MYLK4: variants seen among roughly 807,000 people sequenced by gnomAD.
The protein encoded by MYLK4 is caMLCK like.
MYLK4 carries 46 observed loss-of-function variants against 48.1 expected under a neutral mutation model. The observed-to-expected ratio is 0.96, with a 90% CI of 0.75 to 1.22. The LOEUF is 1.22. Ranked by LOEUF, MYLK4 falls within the 50% of genes most tolerant of loss-of-function variation. MYLK4 has a pLI of 0.00. For missense variants in MYLK4, 451 were observed against 486.1 expected, an observed-to-expected ratio of 0.93 and a Z score of 0.68; for synonymous variants, 170 against 180.8, an observed-to-expected ratio of 0.94 and a Z score of 0.48.
intron 8 of MYLK4, among the ~76,000 whole-genome samples, 191 bp downstream of exon 8, chr6:2,680,030 T>C (rs935753895): frequency 6.6e-6 from 1 of 152,262 alleles, no homozygotes; most frequent in Non-Finnish European, 1.5e-5. Context: ...TACTTTTTAC[T>C]GCATGCATTA....
At chr6:2,765,675 T>C in the MYLK4 span, 2 of 1,552,340 alleles carry the variant, frequency 1.3e-6, no homozygotes, top group African/African-American at 1.4e-5. Context: ...CTGCACCAGG[T>C]GCAGTGCCCC....
chr6:2,763,325 GT>G, the MYLK4 span, among the ~76,000 whole-genome samples: 1 of 152,370 alleles, frequency 6.6e-6, no homozygotes, highest in East Asian at 1.9e-4. Context: ...CTAGTCCCAC[GT>G]AATGAGCCTG....
the MYLK4 span, among the ~76,000 whole-genome samples, chr6:2,765,125 G>A: frequency 6.6e-6 from 1 of 151,520 alleles, no homozygotes; most frequent in South Asian, 2.1e-4. Flanking sequence ...AGGCCTGGGC[G>A]GAGGGCTGCG....
At chr6:2,757,962 G>A in the MYLK4 span, among the ~76,000 whole-genome samples, 1 of 152,214 alleles carries the variant, frequency 6.6e-6, no homozygotes, top group Non-Finnish European at 1.5e-5. Flanking sequence ...GTTGACTCAA[G>A]AGCTGCTCAG....
chr6:2,745,031 G>A (rs1324125126), intron 2 of MYLK4, among the ~76,000 whole-genome samples: 3 of 152,188 alleles, frequency 2.0e-5, no homozygotes, highest in East Asian at 3.9e-4. Flanking sequence ...GTAACTAGGG[G>A]TGAACAGGCA....
chr6:2,738,145 T>C (rs12210969), intron 2 of MYLK4, among the ~76,000 whole-genome samples: 68,771 of 151,840 alleles, frequency 0.45, 15,904 homozygotes, highest in East Asian at 0.56. Flanking sequence ...ACATTATAAC[T>C]TCTCATTATT....
intron 3 of MYLK4, 98 bp downstream of exon 3, chr6:2,692,686 C>A: frequency 3.6e-6 from 3 of 835,386 alleles, no homozygotes; most frequent in Non-Finnish European, 3.5e-6. Context: ...TCTTCCTGCA[C>A]AGGGCTTTAT....
chr6:2,726,501 CCA>C (rs1451244603), intron 2 of MYLK4, among the ~76,000 whole-genome samples: 1 of 152,090 alleles, frequency 6.6e-6, no homozygotes, highest in Non-Finnish European at 1.5e-5. Flanking sequence ...AAAACCATGC[CCA>C]GAGTTGTTAG....
At chr6:2,707,449 C>A (rs1444352002) in intron 2 of MYLK4, among the ~76,000 whole-genome samples, 1 of 152,172 alleles carries the variant, frequency 6.6e-6, no homozygotes, top group Non-Finnish European at 1.5e-5. Flanking sequence ...ACACAACTTA[C>A]TACAGCAACA....
chr6:2,722,510 GGA>G (rs1204928867), intron 2 of MYLK4, among the ~76,000 whole-genome samples: 1 of 105,304 alleles, frequency 9.5e-6, no homozygotes. Context: ...GGACATAAAA[GGA>G]GTGTGTGTGT....
At chr6:2,765,925 C>T in the MYLK4 span, 22 of 1,452,172 alleles carry the variant, frequency 1.5e-5, no homozygotes, top group Non-Finnish European at 2.0e-5. Context: ...AGGGCGACGA[C>T]GGCGGCGAGA....
chr6:2,686,320 A>G (rs1181326664), intron 4 of MYLK4, among the ~76,000 whole-genome samples: 6 of 152,234 alleles, frequency 3.9e-5, no homozygotes, highest in African/African-American at 2.4e-5. Flanking sequence ...GCCCACCTTC[A>G]GATATATAAA....
intron 2 of MYLK4, among the ~76,000 whole-genome samples, chr6:2,722,485 T>C (rs1461668661): frequency 6.7e-6 from 1 of 148,628 alleles, no homozygotes. Flanking sequence ...GTTGAGAGAA[T>C]GAGAGCAGGA....
At chr6:2,766,180 G>A in the MYLK4 span, 2 of 1,372,328 alleles carry the variant, frequency 1.5e-6, no homozygotes, top group Non-Finnish European at 1.9e-6. Context: ...AGGACGACCC[G>A]GGGCACTGGG....
chr6:2,738,419 T>C (rs945297692), intron 2 of MYLK4, among the ~76,000 whole-genome samples: 4 of 152,236 alleles, frequency 2.6e-5, no homozygotes, highest in African/African-American at 9.6e-5. Flanking sequence ...TCTATATGCA[T>C]GAGGGAATCA....
intron 2 of MYLK4, among the ~76,000 whole-genome samples, chr6:2,711,324 G>A (rs1289363584): frequency 6.6e-6 from 1 of 152,206 alleles, no homozygotes; most frequent in African/African-American, 2.4e-5. Context: ...TAACCATGGA[G>A]AAAAGGAAGT....
the MYLK4 span, among the ~76,000 whole-genome samples, chr6:2,763,242 C>G: frequency 6.6e-6 from 1 of 152,234 alleles, no homozygotes; most frequent in Admixed American, 6.5e-5. Context: ...TCTCCAAGTC[C>G]CCACCAGACT....
At chr6:2,678,770 GC>G (rs1390232168) in intron 9 of MYLK4, among the ~76,000 whole-genome samples, 3 of 150,448 alleles carry the variant, frequency 2.0e-5, no homozygotes, top group African/African-American at 7.4e-5. Flanking sequence ...GAGTGCAGTG[GC>G]GTGATCTCGT....
intron 2 of MYLK4, among the ~76,000 whole-genome samples, chr6:2,738,501 G>A (rs746494688): frequency 1.6e-4 from 24 of 152,176 alleles, no homozygotes; most frequent in Admixed American, 3.9e-4. Context: ...CCTGACATTC[G>A]TTCCAACAAT....
Sources: gnomAD v4.1 joint callset for allele counts (sites outside exome capture counted in the v4.1 genomes callset) on GRCh38, gnomAD v4.1.1 for gene constraint, MANE v1.5 for transcripts, NCBI Gene and HGNC (gene_info 2026-07-23, HGNC 2026-07-21) for gene names.